GRHL2: variants seen among roughly 807,000 people sequenced by gnomAD.
GRHL2 encodes grainyhead-like protein 2 homolog.
A neutral mutation model predicts 83.8 loss-of-function variants in GRHL2; 21 were observed. That is an observed-to-expected ratio of 0.25 (90% CI 0.18 to 0.36). The LOEUF is 0.36. GRHL2 is among the 10% of genes least tolerant of loss of function. The probability of loss-of-function intolerance (pLI) is 1.00; values close to 1 mark genes in which losing one functional copy is unlikely to be tolerated. For missense variants in GRHL2, 623 were observed against 781.8 expected (o/e 0.80, Z 2.42); for synonymous variants, 280 against 278.9 (o/e 1.00, Z -0.04).
At chr8:101,664,597 TC>T in intron 15 of GRHL2, 79 bp downstream of exon 15, 1 of 1,049,418 alleles carries the variant, frequency 9.5e-7, no homozygotes, top group Non-Finnish European at 1.5e-6. Context: ...ATGATGCCTG[TC>T]TTTTGTTAGG....
chr8:101,550,626 A>G (rs1485983100), intron 2 of GRHL2, among the ~76,000 whole-genome samples: 1 of 152,204 alleles, frequency 6.6e-6, no homozygotes, highest in African/African-American at 2.4e-5. Context: ...AAGATTTACC[A>G]TTTTAACCAT....
rs556829988 is a variant in GRHL2 at position 101,608,362 on chromosome 8, A to ATT, written c.1098+9211_1098+9212insTT. On this transcript the variant is annotated intron_variant, in intron 8 of 15. Coordinates refer to ENST00000646743, the MANE Select transcript of GRHL2 (RefSeq NM_024915.4). The stretch of plus-strand genomic sequence containing the variant: ...TAATATCTCCTTTATTATCTCTGAC[A>ATT]AGGGAATAACCATTCCTGTGAAGCT... 5.4e-3 allele frequency among the ~76,000 whole-genome samples: 825 copies of ATT among 152,296 alleles called. 8 individuals are homozygous for ATT. Among genetic ancestry groups the ATT allele is most frequent in the African/African-American group, 0.018 (756 of 41,578 alleles).
chr8:101,521,952 C>A (rs543255704), intron 1 of GRHL2, among the ~76,000 whole-genome samples: 4 of 152,050 alleles, frequency 2.6e-5, no homozygotes, highest in African/African-American at 9.7e-5. Context: ...ACAGCAGGAG[C>A]TCAATAAAGG....
chr8:101,552,873 G>T (rs1586087921), intron 3 of GRHL2, 91 bp downstream of exon 3: 4 of 1,201,964 alleles, frequency 3.3e-6, no homozygotes, highest in East Asian at 5.1e-5. Flanking sequence ...AGAGGAGATG[G>T]GGTCAAGAAG....
intron 14 of GRHL2, among the ~76,000 whole-genome samples, chr8:101,663,561 G>A (rs1331349064): frequency 2.0e-5 from 3 of 151,888 alleles, no homozygotes; most frequent in East Asian, 1.9e-4. Flanking sequence ...GCAGTGAGCC[G>A]AGATCATGCC....
At chr8:101,645,428 T>C (rs1813493434) in intron 13 of GRHL2, among the ~76,000 whole-genome samples, 1 of 152,130 alleles carries the variant, frequency 6.6e-6, no homozygotes, top group Admixed American at 6.5e-5. Context: ...CAGTTCACCA[T>C]GTTAAATATG....
chr8:101,565,410 C>A (rs1332491556), intron 4 of GRHL2, among the ~76,000 whole-genome samples: 1 of 152,130 alleles, frequency 6.6e-6, no homozygotes, highest in Non-Finnish European at 1.5e-5. Flanking sequence ...GGTTTAGGAA[C>A]AAAGCAACAT....
chr8:101,560,441 G>A (rs903123785), intron 4 of GRHL2, among the ~76,000 whole-genome samples: 5 of 152,132 alleles, frequency 3.3e-5, no homozygotes, highest in Non-Finnish European at 7.4e-5. Flanking sequence ...TCCAGCTTTT[G>A]GCTATTATGA....
chr8:101,607,854 T>C (rs949391024), intron 8 of GRHL2, among the ~76,000 whole-genome samples: 3 of 152,202 alleles, frequency 2.0e-5, no homozygotes, highest in African/African-American at 7.2e-5. Context: ...TAGGAAAAGC[T>C]ATAAAGCTGG....
intron 1 of GRHL2, among the ~76,000 whole-genome samples, chr8:101,529,764 G>T (rs889062788): frequency 1.3e-5 from 2 of 152,268 alleles, no homozygotes; most frequent in Admixed American, 1.3e-4. Flanking sequence ...AAAGTGAAGA[G>T]TTAGACTGAA....
In GRHL2 at chr8:101,668,253, G is replaced by A. The variant is rs1267057425; in HGVS notation, c.*1550G>A. 6.6e-6 allele frequency: 1 copy of A among 150,964 alleles called. No homozygotes were observed. The highest frequency in any genetic ancestry group is 1.5e-5 in the Non-Finnish European group (1 of 67,736). The allele number at this position is 150,964 out of a possible 1,614,324, so 9.4% of individuals were successfully genotyped here. On this transcript the variant is annotated 3_prime_UTR_variant, in exon 16 of 16. Transcript: ENST00000646743. ...TGTGGGCTGAAGCACTAGCTTTTTG[G>A]TAGCTAGACACATCCTGCACCCAAA...
intron 13 of GRHL2, among the ~76,000 whole-genome samples, chr8:101,645,186 G>T (rs1813486958): frequency 7.1e-6 from 1 of 141,230 alleles, no homozygotes; most frequent in Non-Finnish European, 1.5e-5. Flanking sequence ...AGGCTAAAGT[G>T]CAGTGGCGTG....
At chr8:101,596,315 T>A (rs1317409366) in intron 7 of GRHL2, among the ~76,000 whole-genome samples, 1 of 152,124 alleles carries the variant, frequency 6.6e-6, no homozygotes, top group Non-Finnish European at 1.5e-5. Flanking sequence ...AACACATGCA[T>A]ATGCGCTGTT....
downstream of GRHL2, among the ~76,000 whole-genome samples, chr8:101,671,919 C>G (rs555315272): frequency 1.3e-5 from 2 of 152,314 alleles, no homozygotes; most frequent in Admixed American, 1.3e-4. Context: ...TCTGCAGCCA[C>G]CGCTGCTGAT....
chr8:101,498,201 C>T (rs1456429055), intron 1 of GRHL2, among the ~76,000 whole-genome samples: 1 of 152,236 alleles, frequency 6.6e-6, no homozygotes. Flanking sequence ...TCACTGCAAC[C>T]TCCGCCTCCC....
chr8:101,606,049 A>G (rs920317956), intron 8 of GRHL2, among the ~76,000 whole-genome samples: 1 of 152,214 alleles, frequency 6.6e-6, no homozygotes, highest in Admixed American at 6.5e-5. Flanking sequence ...GAAGCACAGC[A>G]CTGAGAAATT....
At chr8:101,518,371 C>T (rs1810614475) in intron 1 of GRHL2, among the ~76,000 whole-genome samples, 1 of 152,120 alleles carries the variant, frequency 6.6e-6, no homozygotes, top group South Asian at 2.1e-4. Context: ...GTGATTGTGC[C>T]ACTGCACTCT....
rs1586184470 is a variant in GRHL2 at position 101,667,099 on chromosome 8, A to C, written c.*396A>C. On this transcript the variant is annotated 3_prime_UTR_variant, in exon 16 of 16. Transcript: ENST00000646743. The stretch of plus-strand genomic sequence containing the variant: ...AAAAAATTCCCATCCCTTCTCTCTC[A>C]CCCCTCCATATCTATCTCCCGAGTG... 2.1e-5 allele frequency: 6 copies of C among 287,944 alleles called. No homozygotes were observed. Among genetic ancestry groups the C allele is most frequent in the South Asian group, 4.2e-5 (1 of 23,968 alleles). The allele number at this position is 287,944 out of a possible 1,614,324, so 17.8% of individuals were successfully genotyped here.
the GRHL2 span, among the ~76,000 whole-genome samples, chr8:101,679,607 C>A: frequency 6.6e-6 from 1 of 150,812 alleles, no homozygotes; most frequent in Non-Finnish European, 1.5e-5. Context: ...AAGAGCAACT[C>A]CAAGACACAT....
Sources: gnomAD v4.1 joint callset for allele counts (sites outside exome capture counted in the v4.1 genomes callset) on GRCh38, gnomAD v4.1.1 for gene constraint, MANE v1.5 for transcripts, NCBI Gene and HGNC (gene_info 2026-07-23, HGNC 2026-07-21) for gene names.